The following CALHM4 variants were observed in gnomAD, a reference collection of about 807,000 sequenced individuals.
CALHM4 encodes calcium homeostasis modulator family member 4, also known as calcium homeostasis modulator protein 4.
CALHM4 carries 16 observed loss-of-function variants against 13.3 expected under a neutral mutation model. The observed-to-expected ratio is 1.20, with a 90% confidence interval of 0.81 to 1.82. The LOEUF (loss-of-function observed/expected upper bound fraction) is 1.82, where lower values mean the gene tolerates loss of function less well. CALHM4 is among the 40% of genes most tolerant of loss of function. The probability of loss-of-function intolerance (pLI) is 0.00; values close to 1 mark genes in which losing one functional copy is unlikely to be tolerated. For missense variants in CALHM4, 344 were observed against 374.9 expected (o/e 0.92, Z 0.68); for synonymous variants, 127 against 137.1 (o/e 0.93, Z 0.52).
chr6:116,539,588 T>C (rs182087901), intron 1 of CALHM4, among the ~76,000 whole-genome samples: 68 of 152,294 alleles, frequency 4.5e-4, no homozygotes, highest in Non-Finnish European at 4.6e-4. Flanking sequence ...ACAAAGAGTA[T>C]GTAAAACTGC....
intron 2 of CALHM4, among the ~76,000 whole-genome samples, chr6:116,544,256 A>G (rs951452944): frequency 6.6e-6 from 1 of 151,914 alleles, no homozygotes; most frequent in African/African-American, 2.4e-5. Context: ...ATCATACCCT[A>G]CCTACATGCC....
chr6:116,535,562 C>T (rs918773486), intron 1 of CALHM4, among the ~76,000 whole-genome samples: 1 of 152,076 alleles, frequency 6.6e-6, no homozygotes, highest in Non-Finnish European at 1.5e-5. Context: ...TTTTGTATAA[C>T]TAAGGAGGTT....
In CALHM4 at chr6:116,558,531, G is replaced by A. The variant is rs1187386256; in HGVS notation, c.*320G>A. On this transcript the variant is annotated 3_prime_UTR_variant, in exon 2 of 2. Coordinates refer to ENST00000368596, the MANE Select transcript of CALHM4 (RefSeq NM_001366078.2). ...GCCATTTTGTCATCTGCACATTGTA[G>A]CTACCTCCTAGAGCTATTATGAGAA... The A allele has an allele frequency of 7.3e-6, 2 of 273,714 alleles. No homozygotes were observed. The highest frequency in any genetic ancestry group is 2.2e-5 in the African/African-American group (1 of 45,102). 17.0% of individuals were successfully genotyped at this position (273,714 alleles called of 1,614,324 possible). A position where few individuals can be genotyped will look rare whatever the true frequency, so the allele number is the denominator to read the frequency against.
At chr6:116,551,513 A>C (rs954576523), upstream of CALHM4, among the ~76,000 whole-genome samples, 1 of 152,142 alleles carries the variant, frequency 6.6e-6, no homozygotes, top group Non-Finnish European at 1.5e-5. Flanking sequence ...GTGCAAATGT[A>C]ATTGTGGTTT....
At chr6:116,543,365 C>T (rs1346741568) in intron 1 of CALHM4, 1 of 1,549,882 alleles carries the variant, frequency 6.5e-7, no homozygotes. Context: ...GCTGGGCAAC[C>T]AGAGCTCCAT....
intron 1 of CALHM4, among the ~76,000 whole-genome samples, chr6:116,531,717 A>C (rs1030810932): frequency 9.2e-5 from 14 of 152,270 alleles, no homozygotes; most frequent in Admixed American, 6.5e-4. Context: ...TGCACTATGT[A>C]ATGATTTGGT....
At chr6:116,529,635 T>C (rs1264238863) in intron 1 of CALHM4, among the ~76,000 whole-genome samples, 1 of 152,222 alleles carries the variant, frequency 6.6e-6, no homozygotes, top group Non-Finnish European at 1.5e-5. Flanking sequence ...AGAAGTTACA[T>C]GTCATCTGGT....
intron 2 of CALHM4, chr6:116,545,358 ACT>A: frequency 2.6e-6 from 2 of 775,932 alleles, no homozygotes; most frequent in South Asian, 1.9e-5. Flanking sequence ...TTCGCTGAAC[ACT>A]GTCTTTCCTC....
At position 116,560,432 on chromosome 6, in the gene CALHM4, GT is replaced by G. The variant is rs1013327260; in HGVS notation, c.*2222del. Among the ~76,000 whole-genome samples, 8 of 152,122 alleles carry G rather than the reference GT, an allele frequency of 5.3e-5. No homozygotes were observed. The highest frequency in any genetic ancestry group is 1.0e-4 in the Non-Finnish European group (7 of 68,000). On this transcript the variant is annotated 3_prime_UTR_variant, in exon 2 of 2. Coordinates refer to ENST00000368596, the MANE Select transcript of CALHM4 (RefSeq NM_001366078.2). ...AGCCCTTCTACATCAAACTCTTTTAGTGTATGATGTAAAAATTTTATATTTT... is the reference window on the plus strand; with the variant it reads ...AGCCCTTCTACATCAAACTCTTTTAGGTATGATGTAAAAATTTTATATTTT...
intron 1 of CALHM4, among the ~76,000 whole-genome samples, chr6:116,539,742 C>T (rs922038650): frequency 3.9e-5 from 6 of 152,042 alleles, no homozygotes; most frequent in Non-Finnish European, 7.4e-5. Context: ...CCTGGAGACA[C>T]GCGTATCTTC....
intron 1 of CALHM4, among the ~76,000 whole-genome samples, chr6:116,540,795 A>C (rs1008094405): frequency 6.6e-6 from 1 of 152,194 alleles, no homozygotes; most frequent in Non-Finnish European, 1.5e-5. Flanking sequence ...TAATTTTCTC[A>C]TCATTAGCTA....
At chr6:116,531,551 G>A (rs1019347197) in intron 1 of CALHM4, among the ~76,000 whole-genome samples, 1 of 152,090 alleles carries the variant, frequency 6.6e-6, no homozygotes, top group Admixed American at 6.5e-5. Flanking sequence ...GTTCTTTCAT[G>A]GGGTCTGATT....
intron 2 of CALHM4, chr6:116,545,419 T>A (rs768148839): frequency 2.7e-6 from 4 of 1,457,196 alleles, no homozygotes; most frequent in Non-Finnish European, 3.7e-6. Context: ...CAGAAATCAC[T>A]CAAGAAAACA....
chr6:116,558,169 T>C lies in CALHM4; in HGVS notation c.903T>C (p.Asp301=). 1 of 1,613,972 alleles carries C rather than the reference T, an allele frequency of 6.2e-7. No individual in the cohort carries two copies. Among genetic ancestry groups the C allele is most frequent in the Non-Finnish European group, 8.5e-7 (1 of 1,179,982 alleles). The change falls in exon 2 of 2, where the codon GAT becomes GAC. Residue 301 remains aspartate, a synonymous_variant. Transcript: ENST00000368596. The part of the protein sequence containing the change: ...YSFLGNRVDE[D]NEEDRSRGIE... The stretch of plus-strand genomic sequence containing the variant: ...TCCTTGGAAATAGGGTGGATGAGGA[T>C]AATGAGGAAGACAGATCAAGAGGTA...
intron 1 of CALHM4, among the ~76,000 whole-genome samples, chr6:116,536,474 AAGGCAG>A (rs1456593742): frequency 2.0e-5 from 3 of 152,204 alleles, no homozygotes; most frequent in African/African-American, 7.2e-5. Flanking sequence ...TTCTCTCGCA[AAGGCAG>A]AGGCGTGCTG....
intron 1 of CALHM4, 53 bp from the exon 2 acceptor site, chr6:116,557,772 G>A: frequency 6.4e-7 from 1 of 1,558,960 alleles, no homozygotes; most frequent in Non-Finnish European, 8.7e-7. Flanking sequence ...GCTGTTGCTT[G>A]AATATTTGAT....
Position 116,534,115 on chromosome 6 carries a change from T to C in CALHM4, c.-109+4925T>C, listed in dbSNP as rs187037586. ...CCATAAATTCTGTAGTGCGTTTTTTTTTTCCCCTTTCTCAGTAGCTAATCC... is the reference window on the plus strand; with the variant it reads ...CCATAAATTCTGTAGTGCGTTTTTTCTTTCCCCTTTCTCAGTAGCTAATCC... On this transcript the variant is annotated intron_variant, in intron 1 of 2. Coordinates refer to the CALHM4 transcript ENST00000368597. Among the ~76,000 whole-genome samples, 3 of 152,288 alleles carry C rather than the reference T, an allele frequency of 2.0e-5. No homozygotes were observed. The East Asian group carries it at 5.8e-4, about 29-fold the overall frequency.
intron 1 of CALHM4, chr6:116,543,384 A>G (rs1773580398): frequency 6.5e-7 from 1 of 1,549,676 alleles, no homozygotes; most frequent in Non-Finnish European, 8.7e-7. Flanking sequence ...ATAGGTAAGG[A>G]CAAAGAGATC....
chr6:116,550,698 C>A (rs1007375527), upstream of CALHM4, among the ~76,000 whole-genome samples: 14 of 152,086 alleles, frequency 9.2e-5, no homozygotes, highest in East Asian at 5.8e-4. Context: ...TTTGTATTTC[C>A]TCTTTTTTGA....
Sources: allele counts gnomAD v4.1 joint callset (sites outside exome capture counted in the v4.1 genomes callset), GRCh38; gene constraint gnomAD v4.1.1; transcripts MANE v1.5; gene names NCBI Gene and HGNC (gene_info 2026-07-23, HGNC 2026-07-21).